Variants in PLCB1 observed in about 807,000 individuals in gnomAD.
PLCB1 encodes the protein 1-phosphatidylinositol 4,5-bisphosphate phosphodiesterase beta-1.
Under a neutral mutation model 161.8 loss-of-function variants are expected in PLCB1, and 46 were observed. That is an observed-to-expected ratio of 0.28 (90% CI 0.22 to 0.36). The LOEUF (loss-of-function observed/expected upper bound fraction) is 0.36, where lower values mean the gene tolerates loss of function less well. PLCB1 is among the 10% of genes least tolerant of loss of function. PLCB1 has a pLI of 1.00. For missense variants in PLCB1, 1,016 were observed against 1,472.5 expected (o/e 0.69, Z 5.07); for synonymous variants, 517 against 503.7 (o/e 1.03, Z -0.35).
intron 3 of PLCB1, among the ~76,000 whole-genome samples, chr20:8,510,383 CTTT>C (rs11479098): frequency 8.3e-5 from 10 of 119,810 alleles, no homozygotes; most frequent in Non-Finnish European, 1.6e-4. Flanking sequence ...TTTTCTTTTT[CTTT>C]TTTTTTTTTT....
chr20:8,748,812 A>G (rs1400733328), intron 23 of PLCB1, among the ~76,000 whole-genome samples: 1 of 152,202 alleles, frequency 6.6e-6, no homozygotes, highest in Non-Finnish European at 1.5e-5. Context: ...AGTAGATTAT[A>G]GCTGTTCTTG....
At chr20:8,504,480 A>G (rs539022075) in intron 3 of PLCB1, among the ~76,000 whole-genome samples, 1 of 152,272 alleles carries the variant, frequency 6.6e-6, no homozygotes, top group African/African-American at 2.4e-5. Context: ...ATTCCTTTTA[A>G]TTTTTCATTT....
At chr20:8,547,649 C>T (rs6055894) in intron 3 of PLCB1, among the ~76,000 whole-genome samples, 1,842 of 152,260 alleles carry the variant, frequency 0.012, 47 homozygotes, top group African/African-American at 0.042. Flanking sequence ...CCCCACTTGT[C>T]AGTCCACCTT....
intron 2 of PLCB1, among the ~76,000 whole-genome samples, chr20:8,276,986 C>CTTCTTATTATTATTATTATTA (rs869194352): frequency 2.1e-5 from 2 of 93,346 alleles, no homozygotes; most frequent in Non-Finnish European, 4.0e-5. Context: ...TCTTCTTCTT[C>CTTCTTATTATTATTATTATTA]TTATTATTAT....
chr20:8,463,944 A>C (rs1981701054), intron 3 of PLCB1, among the ~76,000 whole-genome samples: 1 of 152,016 alleles, frequency 6.6e-6, no homozygotes, highest in Non-Finnish European at 1.5e-5. Context: ...ATTTGGGATT[A>C]TTTTCCTTCT....
intron 2 of PLCB1, among the ~76,000 whole-genome samples, chr20:8,158,595 C>T (rs1414623071): frequency 6.6e-6 from 1 of 152,104 alleles, no homozygotes; most frequent in African/African-American, 2.4e-5. Flanking sequence ...AGCATTAACT[C>T]AAAAGTCCAC....
intron 3 of PLCB1, among the ~76,000 whole-genome samples, chr20:8,627,448 A>G (rs1988387425): frequency 6.6e-6 from 1 of 152,198 alleles, no homozygotes; most frequent in South Asian, 2.1e-4. Context: ...TAAATAAATA[A>G]GAATGTAAGT....
chr20:8,523,407 TGTG>T (rs1200866327), intron 3 of PLCB1, among the ~76,000 whole-genome samples: 2 of 144,706 alleles, frequency 1.4e-5, no homozygotes, highest in East Asian at 2.0e-4. Context: ...TATGTGTGTG[TGTG>T]TGTGTGTGTG....
At chr20:8,166,714 T>C (rs2051679098) in intron 2 of PLCB1, among the ~76,000 whole-genome samples, 1 of 152,126 alleles carries the variant, frequency 6.6e-6, no homozygotes, top group African/African-American at 2.4e-5. Context: ...CTGAAAGTCT[T>C]CCTTAACACC....
intron 3 of PLCB1, among the ~76,000 whole-genome samples, chr20:8,617,662 C>A (rs1988072317): frequency 6.6e-6 from 1 of 152,056 alleles, no homozygotes; most frequent in African/African-American, 2.4e-5. Flanking sequence ...AAGAGGCAAC[C>A]AATTCATGGC....
At chr20:8,244,684 G>A (rs907641336) in intron 2 of PLCB1, among the ~76,000 whole-genome samples, 8 of 151,840 alleles carry the variant, frequency 5.3e-5, no homozygotes, top group Admixed American at 2.0e-4. Flanking sequence ...CACTGTGCAC[G>A]AAGGTTAGAT....
chr20:8,804,901 A>G (rs1388423429), intron 31 of PLCB1, among the ~76,000 whole-genome samples: 1 of 149,666 alleles, frequency 6.7e-6, no homozygotes, highest in Non-Finnish European at 1.5e-5. Context: ...TGAGGCTGAG[A>G]TGAGATAGGA....
chr20:8,213,286 C>T lies in PLCB1; in HGVS notation c.177+62915C>T, dbSNP rs577838946. 7.9e-5 allele frequency among the ~76,000 whole-genome samples: 12 copies of T among 152,204 alleles called. No individual in the cohort carries two copies. In the East Asian group the frequency reaches 9.7e-4, roughly 12 times the overall value. On this transcript the variant is annotated intron_variant, in intron 2 of 31. Coordinates refer to ENST00000338037, the MANE Select transcript of PLCB1 (RefSeq NM_015192.4). ...GGAATGCCTGTGCTTTTCCAAAATG[C>T]GAAGGGTGAATACAGAAGGACATGA... is the stretch of plus-strand genomic sequence containing the variant.
intron 9 of PLCB1, among the ~76,000 whole-genome samples, chr20:8,672,716 C>T (rs1352304190): frequency 6.6e-6 from 1 of 152,082 alleles, no homozygotes; most frequent in Non-Finnish European, 1.5e-5. Context: ...TCACAGAGCT[C>T]ATGCAAAGTG....
In PLCB1 at chr20:8,772,191, A is replaced by C. The variant is rs966465764; in HGVS notation, c.2931-2348A>C. On this transcript the variant is annotated intron_variant, in intron 26 of 31. Transcript: ENST00000338037. ...CCACCAGCACACCAGGCCTGTTCCT[A>C]ATACTCTGTCTTTCCCTGTTTCCTA... 5.3e-5 allele frequency among the ~76,000 whole-genome samples: 8 copies of C among 151,748 alleles called. No individual in the cohort carries two copies. In the South Asian group the frequency reaches 1.5e-3, roughly 28 times the overall value.
At chr20:8,441,478 C>A (rs1980555787) in intron 3 of PLCB1, among the ~76,000 whole-genome samples, 1 of 152,094 alleles carries the variant, frequency 6.6e-6, no homozygotes, top group Admixed American at 6.5e-5. Context: ...AATCTGATCA[C>A]AAAGTAAGAA....
intron 3 of PLCB1, among the ~76,000 whole-genome samples, chr20:8,563,439 C>G (rs1986214024): frequency 6.6e-6 from 1 of 151,990 alleles, no homozygotes; most frequent in Admixed American, 6.6e-5. Flanking sequence ...GTTTCATTGT[C>G]CAAACTCAAA....
chr20:8,240,304 A>ACACGCG (rs757143513), intron 2 of PLCB1, among the ~76,000 whole-genome samples: 1 of 149,848 alleles, frequency 6.7e-6, no homozygotes, highest in African/African-American at 2.4e-5. Context: ...ACACACACAC[A>ACACGCG]CGCACACACA....
intron 4 of PLCB1, among the ~76,000 whole-genome samples, chr20:8,645,369 T>C (rs1402299042): frequency 6.6e-6 from 1 of 152,180 alleles, no homozygotes; most frequent in East Asian, 1.9e-4. Flanking sequence ...ACTACAACAA[T>C]ATCAGATGAT....
Sources: allele counts gnomAD v4.1 joint callset (sites outside exome capture counted in the v4.1 genomes callset), GRCh38; gene constraint gnomAD v4.1.1; transcripts MANE v1.5; gene names NCBI Gene and HGNC (gene_info 2026-07-23, HGNC 2026-07-21).